Variants in PCDHA3 observed in about 807,000 individuals in gnomAD.
PCDHA3 encodes protocadherin alpha 3.
PCDHA3 carries 41 observed loss-of-function variants against 62.2 expected under a neutral mutation model. That is an observed-to-expected ratio of 0.66 (90% CI 0.51 to 0.86). PCDHA3 has a LOEUF of 0.86. PCDHA3 is among the 40% of genes least tolerant of loss of function. The pLI is 0.00. For synonymous variants in PCDHA3, 640 were observed against 555.4 expected (o/e 1.15, Z -2.14); for missense variants, 1,304 against 1,241.2 (o/e 1.05, Z -0.76).
At chr5:140,821,698 T>C (rs1554128149) in intron 1 of PCDHA3, 1 of 1,403,310 alleles carries the variant, frequency 7.1e-7, no homozygotes, top group African/African-American at 1.4e-5. Flanking sequence ...AAAAAATATA[T>C]AGTTAATTGG....
chr5:140,908,307 C>T (rs782169692), intron 1 of PCDHA3, among the ~76,000 whole-genome samples: 43 of 152,180 alleles, frequency 2.8e-4, no homozygotes, highest in Non-Finnish European at 1.3e-4. Context: ...GAAGGAAGGG[C>T]GGCAGGAGTG....
At chr5:140,808,954 C>G (rs1554124911) in intron 1 of PCDHA3, 9 of 1,613,580 alleles carry the variant, frequency 5.6e-6, no homozygotes, top group African/African-American at 1.3e-5. Flanking sequence ...GTGTGGGCCA[C>G]GTGGTGGCAA....
intron 1 of PCDHA3, chr5:140,927,108 C>A (rs782811125): frequency 6.2e-7 from 1 of 1,613,646 alleles, no homozygotes; most frequent in Non-Finnish European, 8.5e-7. Context: ...ATCTACCCAG[C>A]GGCAATTTGG....
In PCDHA3 at chr5:140,835,883, C is replaced by T. The variant is rs149268300; in HGVS notation, c.2394+32292C>T. Reference sequence around the variant, plus strand: ...ACTCGCTGGTGGAGCTGCGGGTGGGCGAGCGCGCGCTGTCGAGCTACGTGT... The same window carrying T: ...ACTCGCTGGTGGAGCTGCGGGTGGGTGAGCGCGCGCTGTCGAGCTACGTGT... On this transcript the variant is annotated intron_variant, in intron 1 of 3. Coordinates refer to ENST00000522353, the MANE Select transcript of PCDHA3 (RefSeq NM_018906.3). 5.5e-4 allele frequency: 882 copies of T among 1,611,944 alleles called. 10 individuals carry two copies. In the African/African-American group the frequency reaches 9.6e-3, roughly 17 times the overall value.
rs1581023239 is a variant in PCDHA3, at chr5:140,842,959, C to T, written c.2394+39368C>T. Reference sequence around the variant, plus strand: ...GCGACGCGGGCGTGCCGCCTCTGGGCAGCAACGTGACGCTGCAGGTGTTCG... The same window carrying T: ...GCGACGCGGGCGTGCCGCCTCTGGGTAGCAACGTGACGCTGCAGGTGTTCG... On this transcript the variant is annotated intron_variant, in intron 1 of 3. Transcript: ENST00000522353. The T allele has an allele frequency of 1.9e-6, 3 of 1,594,954 alleles. No individual in the cohort carries two copies. The East Asian group carries it at 6.7e-5, about 36-fold the overall frequency.
In PCDHA3 at chr5:140,883,265, C is replaced by G. The variant is rs782741439; in HGVS notation, c.2394+79674C>G. 4.5e-5 allele frequency: 73 copies of G among 1,613,790 alleles called. No homozygotes were observed. The highest frequency in any genetic ancestry group is 6.0e-5 in the Non-Finnish European group (71 of 1,179,996). ...CAAAGGAAATATTCCAATGGCGGGTCATTGTACCCTTTTGGTGGAAGTACT... is the reference window on the plus strand; with the variant it reads ...CAAAGGAAATATTCCAATGGCGGGTGATTGTACCCTTTTGGTGGAAGTACT... On this transcript the variant is annotated intron_variant, in intron 1 of 3. Transcript: ENST00000522353.
chr5:140,873,656 A>G (rs1364222797), intron 1 of PCDHA3, among the ~76,000 whole-genome samples: 2 of 152,120 alleles, frequency 1.3e-5, no homozygotes, highest in Non-Finnish European at 2.9e-5. Flanking sequence ...TACATAACAC[A>G]CTATTATTAT....
intron 1 of PCDHA3, among the ~76,000 whole-genome samples, chr5:140,923,066 C>G (rs1050883797): frequency 6.6e-6 from 1 of 152,198 alleles, no homozygotes; most frequent in African/African-American, 2.4e-5. Flanking sequence ...AGAGCTAGGT[C>G]TCCTCATGTC....
At chr5:140,986,954 C>T (rs2097219916) in intron 3 of PCDHA3, among the ~76,000 whole-genome samples, 1 of 152,154 alleles carries the variant, frequency 6.6e-6, no homozygotes, top group African/African-American at 2.4e-5. Context: ...TCGCTCATGC[C>T]TGTAATTCCA....
chr5:140,842,803 T>A, intron 1 of PCDHA3: 2 of 1,594,132 alleles, frequency 1.3e-6, no homozygotes, highest in Non-Finnish European at 8.6e-7. Flanking sequence ...CCTACTCGCT[T>A]GTGGAGCGGC....
In PCDHA3 at chr5:140,936,000, C is replaced by T. The variant is rs370629183; in HGVS notation, c.2395-42949C>T. Among the ~76,000 whole-genome samples, 13 of 150,536 alleles carry T rather than the reference C, an allele frequency of 8.6e-5. No homozygotes were observed. In the East Asian group the frequency reaches 1.6e-3, roughly 18 times the overall value. ...CTCTGCCTCCCGGGTTCAAGCGATT[C>T]TCCCACCTCAGCCTCCCGAGTAGCG... On this transcript the variant is annotated intron_variant, in intron 1 of 3. Coordinates refer to ENST00000522353, the MANE Select transcript of PCDHA3 (RefSeq NM_018906.3).
chr5:140,847,369 A>G (rs1780982240), intron 1 of PCDHA3: 1 of 149,774 alleles, frequency 6.7e-6, no homozygotes. Context: ...ATACGAAATA[A>G]AAGATAAATA....
intron 1 of PCDHA3, among the ~76,000 whole-genome samples, chr5:140,964,412 GC>G (rs1330052602): frequency 7.9e-5 from 12 of 152,126 alleles, no homozygotes; most frequent in African/African-American, 2.9e-4. Flanking sequence ...ACATTTGGGG[GC>G]TTCCATTAAA....
rs368374216 is a variant in PCDHA3, at chr5:140,802,402, A to G, written c.1205A>G (p.Lys402Arg). 27 of 1,614,118 alleles carry G rather than the reference A, an allele frequency of 1.7e-5. No individual in the cohort carries two copies. The Admixed American group carries it at 1.8e-4, about 11-fold the overall frequency. ...CCCTTCAAGCTGGTGTCCACCTTCA[A>G]GAATTACTACTCATTGGTGCTGGAC... The part of the protein sequence containing the change: ...HVPFKLVSTF[K>R]NYYSLVLDSP... Residue 402 changes from lysine (K) to arginine (R), a missense_variant, in exon 1 of 4, where the codon AAG becomes AGG. Lys to Arg is a conservative substitution (Grantham distance 26). Transcript: ENST00000522353.
chr5:140,926,034 G>A (rs782564671), intron 1 of PCDHA3, among the ~76,000 whole-genome samples: 1 of 152,158 alleles, frequency 6.6e-6, no homozygotes, highest in Non-Finnish European at 1.5e-5. Context: ...GTTTGATGCG[G>A]ACACTATTCC....
intron 1 of PCDHA3, among the ~76,000 whole-genome samples, chr5:140,888,729 T>G (rs1214867910): frequency 6.6e-6 from 1 of 152,156 alleles, no homozygotes; most frequent in Admixed American, 6.5e-5. Context: ...CAGCCCTTTG[T>G]GAGCTCTAGG....
Position 140,882,813 on chromosome 5 carries a change from C to A in PCDHA3, c.2394+79222C>A, listed in dbSNP as rs782169035. 2 of 1,614,058 alleles carry A rather than the reference C, an allele frequency of 1.2e-6. No individual in the cohort carries two copies. The highest frequency in any genetic ancestry group is 3.3e-5 in the Admixed American group (2 of 60,002). On this transcript the variant is annotated intron_variant, in intron 1 of 3. Transcript: ENST00000522353. ...CCCAACGATTATTTCACTTTGGACG[C>A]ACAAAACAGTCTTGAGCAAATGTCT...
intron 1 of PCDHA3, among the ~76,000 whole-genome samples, chr5:140,972,812 C>T (rs782305867): frequency 5.3e-5 from 8 of 151,914 alleles, no homozygotes; most frequent in East Asian, 3.9e-4. Context: ...TACAGGCACG[C>T]GCCACCACGC....
At chr5:140,924,318 G>A (rs550515387) in intron 1 of PCDHA3, among the ~76,000 whole-genome samples, 1 of 152,164 alleles carries the variant, frequency 6.6e-6, no homozygotes, top group East Asian at 1.9e-4. Context: ...AATTTTATCT[G>A]AGACTTGGTG....
Sources: gnomAD v4.1 joint callset for allele counts (sites outside exome capture counted in the v4.1 genomes callset) on GRCh38, gnomAD v4.1.1 for gene constraint, MANE v1.5 for transcripts, NCBI Gene and HGNC (gene_info 2026-07-23, HGNC 2026-07-21) for gene names.